TMED5: variants seen among roughly 807,000 people sequenced by gnomAD.
TMED5 encodes transmembrane emp24 domain-containing protein 5.
A neutral mutation model predicts 23.0 loss-of-function variants in TMED5; 27 were observed. The observed-to-expected ratio is 1.17, with a 90% CI of 0.86 to 1.62. The LOEUF (loss-of-function observed/expected upper bound fraction) is 1.62. Ranked by LOEUF, TMED5 falls within the 40% of genes most tolerant of loss-of-function variation. The pLI, the probability that TMED5 is intolerant of heterozygous loss-of-function variation, is 0.00. For missense variants in TMED5, 248 were observed against 273.7 expected, an observed-to-expected ratio of 0.91 and a Z score of 0.66; for synonymous variants, 97 against 100.8, an observed-to-expected ratio of 0.96 and a Z score of 0.23.
intron 1 of TMED5, chr1:93,162,718 T>C (rs1648325982): frequency 6.6e-6 from 1 of 152,094 alleles, no homozygotes; most frequent in African/African-American, 2.4e-5. Context: ...CCATAAAATA[T>C]GGAGTTTTCC....
chr1:93,168,970 A>C (rs561220739), intron 1 of TMED5, among the ~76,000 whole-genome samples: 38 of 152,366 alleles, frequency 2.5e-4, no homozygotes, highest in African/African-American at 8.2e-4. Flanking sequence ...AAAGAGCCAC[A>C]AGAAGAAACA....
chr1:93,169,248 A>G (rs1023226722), intron 1 of TMED5, among the ~76,000 whole-genome samples: 10 of 152,236 alleles, frequency 6.6e-5, no homozygotes, highest in African/African-American at 2.4e-4. Context: ...ATTAAGGTAG[A>G]AATCAGTAAC....
rs1647826109 is a variant in TMED5 at position 93,150,304 on chromosome 1, T to TACA, written c.*4365_*4366insTGT. On this transcript the variant is annotated 3_prime_UTR_variant, in exon 4 of 4. Coordinates refer to ENST00000370282, the MANE Select transcript of TMED5 (RefSeq NM_016040.5). ...CAATTTGTTACATGTATCAGTAGTTTGTTCCTTCATATTACTATTTAGTAT... is the reference window on the plus strand; with the variant it reads ...CAATTTGTTACATGTATCAGTAGTTTACAGTTCCTTCATATTACTATTTAGTAT... 1 of 152,246 alleles carries TACA rather than the reference T, an allele frequency of 6.6e-6. No homozygotes were observed. The allele number at this position is 152,246 out of a possible 1,614,324, so 9.4% of individuals were successfully genotyped here.
chr1:93,154,888 C>A lies in TMED5; in HGVS notation c.472G>T (p.Glu158Ter). Residue 158 changes from glutamate (E) to a stop codon, truncating the protein, a stop_gained and splice_region_variant, in exon 4 of 4, where the codon GAA becomes TAA. Coordinates refer to ENST00000370282, the MANE Select transcript of TMED5 (RefSeq NM_016040.5). LOFTEE classifies it high-confidence loss of function. ...CTGGACTTGATGCTGTTGATGGATT[C>A]CTGGAGATAAATAAAATAATTTTAT... Reference protein sequence around the residue: ...ILDMKLEDILESINSIKSRLS... With the variant: ...ILDMKLEDIL 1 of 1,555,436 alleles carries A rather than the reference C, an allele frequency of 6.4e-7. No individual in the cohort carries two copies. The highest frequency in any genetic ancestry group is 8.7e-7 in the Non-Finnish European group (1 of 1,145,956).
rs997540443 is a variant in TMED5 at position 93,150,501 on chromosome 1, G to A, written c.*4169C>T. On this transcript the variant is annotated 3_prime_UTR_variant, in exon 4 of 4. Coordinates refer to ENST00000370282, the MANE Select transcript of TMED5 (RefSeq NM_016040.5). Reference sequence around the variant, plus strand: ...AATGCCAGTTATATGTTAAATGTATGTTTAGTTTTATAAGAAACTGCCAAG... The same window carrying A: ...AATGCCAGTTATATGTTAAATGTATATTTAGTTTTATAAGAAACTGCCAAG... 1 of 152,184 alleles carries A rather than the reference G, an allele frequency of 6.6e-6. No individual in the cohort carries two copies. Among genetic ancestry groups the A allele is most frequent in the African/African-American group, 2.4e-5 (1 of 41,438 alleles). 9.4% of individuals were successfully genotyped at this position (152,184 alleles called of 1,614,324 possible).
intron 2 of TMED5, among the ~76,000 whole-genome samples, chr1:93,157,009 C>A (rs999907008): frequency 3.3e-5 from 5 of 151,984 alleles, no homozygotes; most frequent in African/African-American, 1.2e-4. Flanking sequence ...TGGTTAGTGA[C>A]CTCATTTTTG....
intron 1 of TMED5, among the ~76,000 whole-genome samples, chr1:93,167,631 T>G (rs746229105): frequency 1.3e-5 from 2 of 152,188 alleles, no homozygotes; most frequent in Non-Finnish European, 2.9e-5. Context: ...TATATTTGTT[T>G]ATCAGTTCTA....
chr1:93,168,280 T>C (rs2101150386), intron 1 of TMED5, among the ~76,000 whole-genome samples: 1 of 152,284 alleles, frequency 6.6e-6, no homozygotes, highest in South Asian at 2.1e-4. Context: ...AACATGGCAA[T>C]ATTAATCCAA....
At chr1:93,179,133 G>A (rs1299112040) in intron 1 of TMED5, among the ~76,000 whole-genome samples, 1 of 152,146 alleles carries the variant, frequency 6.6e-6, no homozygotes, top group Non-Finnish European at 1.5e-5. Flanking sequence ...AGGCCGAGGC[G>A]GGTGGATCGC....
At chr1:93,166,619 T>G (rs1296632945) in intron 1 of TMED5, among the ~76,000 whole-genome samples, 1 of 152,196 alleles carries the variant, frequency 6.6e-6, no homozygotes, top group Non-Finnish European at 1.5e-5. Flanking sequence ...TTAGATTTTT[T>G]TTCCTGTATA....
chr1:93,156,204 G>A (rs1648069168), intron 3 of TMED5, 96 bp downstream of exon 3: 12 of 1,243,616 alleles, frequency 9.6e-6, no homozygotes, highest in Middle Eastern at 2.2e-4. Flanking sequence ...AGATTTTCCT[G>A]GATAATGCAG....
At chr1:93,173,268 T>C (rs775047584) in intron 1 of TMED5, among the ~76,000 whole-genome samples, 12 of 147,280 alleles carry the variant, frequency 8.1e-5, no homozygotes, top group Non-Finnish European at 1.8e-4. Flanking sequence ...CATTACATGT[T>C]GTATATATGT....
At position 93,153,574 on chromosome 1, in the gene TMED5, TG is replaced by T. The variant is rs1447916938; in HGVS notation, c.*1095del. 1.3e-5 allele frequency: 2 copies of T among 152,172 alleles called. No individual in the cohort carries two copies. The highest frequency in any genetic ancestry group is 1.5e-5 in the Non-Finnish European group (1 of 67,998). 9.4% of individuals were successfully genotyped at this position (152,172 alleles called of 1,614,324 possible). ...GATTTATGTTATGAGTAGGATGTCATGATGAGCCAGTCAGATTCTAGATATT... is the reference window on the plus strand; with the variant it reads ...GATTTATGTTATGAGTAGGATGTCATATGAGCCAGTCAGATTCTAGATATT... On this transcript the variant is annotated 3_prime_UTR_variant, in exon 4 of 4. Coordinates refer to ENST00000370282, the MANE Select transcript of TMED5 (RefSeq NM_016040.5).
rs772804271 is a variant in TMED5 at position 93,180,268 on chromosome 1, A to C, written c.-26T>G. The C allele has an allele frequency of 1.3e-6, 2 of 1,591,252 alleles. No homozygotes were observed. The highest frequency in any genetic ancestry group is 3.7e-5 in the Admixed American group (2 of 54,304). Reference sequence around the variant, plus strand: ...CCCTGCTGGGGCGATCCCGGGCTGAAAGAGGCGTCAGGTACTGTTGTCTCC... The same window carrying C: ...CCCTGCTGGGGCGATCCCGGGCTGACAGAGGCGTCAGGTACTGTTGTCTCC... On this transcript the variant is annotated 5_prime_UTR_variant, in exon 1 of 4. Coordinates refer to ENST00000370282, the MANE Select transcript of TMED5 (RefSeq NM_016040.5).
At chr1:93,174,930 G>C (rs1450445972) in intron 1 of TMED5, among the ~76,000 whole-genome samples, 1 of 150,964 alleles carries the variant, frequency 6.6e-6, no homozygotes, top group African/African-American at 2.4e-5. Flanking sequence ...TTGCTATTGT[G>C]AATAGTGTTG....
chr1:93,172,176 A>C (rs926056580), intron 1 of TMED5, among the ~76,000 whole-genome samples: 5 of 152,170 alleles, frequency 3.3e-5, no homozygotes, highest in Non-Finnish European at 7.3e-5. Context: ...CTACTCCCTC[A>C]TTACTCCTAC....
chr1:93,172,498 A>G (rs1243097420), intron 1 of TMED5, among the ~76,000 whole-genome samples: 1 of 152,192 alleles, frequency 6.6e-6, no homozygotes, highest in Non-Finnish European at 1.5e-5. Flanking sequence ...ATTAGGTACA[A>G]ATCTACCAAA....
At chr1:93,179,894 C>T (rs1405370617) in intron 1 of TMED5, 160 bp downstream of exon 1, 2 of 685,596 alleles carry the variant, frequency 2.9e-6, no homozygotes, top group Non-Finnish European at 4.6e-6. Context: ...GCGAGAGCCT[C>T]GCCTCGCCTC....
chr1:93,154,996 T>C (rs1483241996), intron 3 of TMED5, 108 bp from the exon 4 acceptor site: 7 of 800,020 alleles, frequency 8.7e-6, no homozygotes, highest in Non-Finnish European at 1.4e-5. Context: ...CCTGGAACTT[T>C]GGGAGACTAG....
Sources: allele counts gnomAD v4.1 joint callset (sites outside exome capture counted in the v4.1 genomes callset), GRCh38; gene constraint gnomAD v4.1.1; transcripts MANE v1.5; gene names NCBI Gene and HGNC (gene_info 2026-07-23, HGNC 2026-07-21).